The following TANC2 variants were observed in gnomAD, a reference collection of about 807,000 sequenced individuals.
TANC2 encodes protein TANC2.
Under a neutral mutation model 210.5 loss-of-function variants are expected in TANC2, and 26 were observed. That is an observed-to-expected ratio of 0.12 (90% CI 0.09 to 0.17). The LOEUF is 0.17. Ranked by LOEUF, TANC2 falls within the 10% of genes least tolerant of loss-of-function variation. The pLI is 1.00. For missense variants in TANC2, 2,129 were observed against 2,608.9 expected (o/e 0.82, Z 4.01); for synonymous variants, 931 against 967.1 (o/e 0.96, Z 0.69).
At chr17:63,358,401 GTGTGTGTGTGTA>G (rs2046851452) in intron 14 of TANC2, among the ~76,000 whole-genome samples, 1 of 151,762 alleles carries the variant, frequency 6.6e-6, no homozygotes, top group Non-Finnish European at 1.5e-5. Context: ...GTGTGTGTGT[GTGTGTGTGTGTA>G]TGTGTGTGTG....
chr17:63,332,020 C>T, intron 11 of TANC2: 1 of 282,268 alleles, frequency 3.5e-6, no homozygotes, highest in Non-Finnish European at 7.0e-6. Context: ...TCATCATCCA[C>T]CTCTGGCTGT....
chr17:63,128,581 A>G (rs1205300644), intron 4 of TANC2, among the ~76,000 whole-genome samples: 1 of 152,238 alleles, frequency 6.6e-6, no homozygotes, highest in Non-Finnish European at 1.5e-5. Context: ...TGTTTAATAA[A>G]TGTACATTTA....
At chr17:63,073,008 C>T (rs1157341093) in intron 2 of TANC2, among the ~76,000 whole-genome samples, 6 of 152,014 alleles carry the variant, frequency 3.9e-5, no homozygotes, top group Non-Finnish European at 8.8e-5. Context: ...ATTAAACCTG[C>T]TTGCAGCTAC....
chr17:63,013,919 T>C (rs541562462), intron 2 of TANC2, among the ~76,000 whole-genome samples: 75 of 152,266 alleles, frequency 4.9e-4, no homozygotes, highest in African/African-American at 1.7e-3. Flanking sequence ...CATTTTTTTT[T>C]CTGGAACTCC....
chr17:63,139,298 A>T (rs954150025), intron 4 of TANC2, among the ~76,000 whole-genome samples: 1 of 152,156 alleles, frequency 6.6e-6, no homozygotes, highest in Non-Finnish European at 1.5e-5. Flanking sequence ...CACAAACTAG[A>T]CAGAAAATGG....
intron 11 of TANC2, among the ~76,000 whole-genome samples, chr17:63,337,926 G>A (rs751693676): frequency 6.6e-6 from 1 of 152,110 alleles, no homozygotes; most frequent in African/African-American, 2.4e-5. Flanking sequence ...AGTTCCATCC[G>A]TGTTCCTGAG....
chr17:63,281,045 A>C (rs544296216), intron 9 of TANC2, among the ~76,000 whole-genome samples: 11 of 152,280 alleles, frequency 7.2e-5, no homozygotes, highest in African/African-American at 2.6e-4. Context: ...TAAGCCTTCC[A>C]TGGATAACAA....
intron 1 of TANC2, among the ~76,000 whole-genome samples, chr17:62,990,461 T>A (rs2032802147): frequency 6.6e-6 from 1 of 151,936 alleles, no homozygotes; most frequent in South Asian, 2.1e-4. Flanking sequence ...TTTTTAAAAT[T>A]TTCTGTAGAG....
rs565250522 is a variant in TANC2, at chr17:63,305,148, C to T, written c.1160-9240C>T. The T allele has an allele frequency of 6.7e-3, 1,016 of 152,450 alleles. 8 individuals carry two copies. The highest frequency in any genetic ancestry group is 0.011 in the Non-Finnish European group (726 of 68,142). The allele number at this position is 152,450 out of a possible 1,614,324, so 9.4% of individuals were successfully genotyped here. On this transcript the variant is annotated intron_variant, in intron 9 of 27. Transcript: ENST00000689528. ...TTGGTAGGCTTAAGCACATTCTAGC[C>T]GAGTGGCTATTGAGAATCTGTGCGG...
At chr17:63,148,745 TACTC>T (rs1338365683) in intron 4 of TANC2, 1 of 152,174 alleles carries the variant, frequency 6.6e-6, no homozygotes, top group African/African-American at 2.4e-5. Context: ...GGAATTCTCT[TACTC>T]ACATGAATCA....
chr17:63,018,557 G>GT (rs2034214131), intron 2 of TANC2, among the ~76,000 whole-genome samples: 2 of 152,084 alleles, frequency 1.3e-5, no homozygotes, highest in Non-Finnish European at 2.9e-5. Context: ...GAGATCTTGT[G>GT]TATATTTGGG....
chr17:63,280,950 C>T (rs139323491), intron 9 of TANC2, among the ~76,000 whole-genome samples: 17 of 152,224 alleles, frequency 1.1e-4, no homozygotes, highest in Admixed American at 2.0e-4. Context: ...CAAATGAATG[C>T]GCACTTTGCT....
At chr17:63,237,024 G>C (rs763477256) in intron 7 of TANC2, among the ~76,000 whole-genome samples, 2 of 152,132 alleles carry the variant, frequency 1.3e-5, no homozygotes, top group Non-Finnish European at 2.9e-5. Context: ...TGGAATTGCT[G>C]GATTGAATGG....
chr17:63,409,150 A>G (rs1480396333), intron 21 of TANC2, among the ~76,000 whole-genome samples: 1 of 151,912 alleles, frequency 6.6e-6, no homozygotes, highest in Non-Finnish European at 1.5e-5. Context: ...TTTTTTGTTT[A>G]TTTGTATTTG....
At chr17:63,167,122 A>G (rs1439402903) in intron 5 of TANC2, among the ~76,000 whole-genome samples, 2 of 152,150 alleles carry the variant, frequency 1.3e-5, no homozygotes, top group East Asian at 3.8e-4. Flanking sequence ...TTCAAGAACC[A>G]TTGGTTAATG....
chr17:63,162,455 T>C (rs1302138859), intron 5 of TANC2, among the ~76,000 whole-genome samples: 1 of 152,156 alleles, frequency 6.6e-6, no homozygotes, highest in East Asian at 1.9e-4. Flanking sequence ...AAGCAAGGAT[T>C]TTCTAAACTA....
Position 63,220,703 on chromosome 17 carries a change from CAAAAAA to C in TANC2, c.770-17099_770-17094del, listed in dbSNP as rs373846699. On this transcript the variant is annotated intron_variant, in intron 7 of 27. Transcript: ENST00000689528. The stretch of plus-strand genomic sequence containing the variant: ...TGGGCAACAGAGCAAGAATCAGTCT[CAAAAAA>C]AAAAAAAAAAATATATATATATATA... Among the ~76,000 whole-genome samples, 96 of 91,964 alleles carry C rather than the reference CAAAAAA, an allele frequency of 1.0e-3. 1 individual carries two copies. Among genetic ancestry groups the C allele is most frequent in the African/African-American group, 4.0e-3 (90 of 22,234 alleles). The allele number at this position is 91,964 out of a possible 152,430, so 60.3% of individuals were successfully genotyped here. A position where few individuals can be genotyped will look rare whatever the true frequency, so the allele number is the denominator to read the frequency against.
At position 63,172,193 on chromosome 17, in the gene TANC2, C is replaced by CT. The variant is rs549414417; in HGVS notation, c.433+20829dup. ...TTTTTCTTTTTCTTTCTTTTCTTTT[C>CT]TTTTTTTTTTTTTTTTAGATGGAGT... is the stretch of plus-strand genomic sequence containing the variant. On this transcript the variant is annotated intron_variant, in intron 5 of 27. Transcript: ENST00000689528. Among the ~76,000 whole-genome samples, 1,241 of 131,006 alleles carry CT rather than the reference C, an allele frequency of 9.5e-3. 12 individuals are homozygous for CT. The highest frequency in any genetic ancestry group is 0.019 in the African/African-American group (667 of 35,918). 85.9% of individuals were successfully genotyped at this position (131,006 alleles called of 152,430 possible).
intron 12 of TANC2, among the ~76,000 whole-genome samples, chr17:63,344,525 G>T (rs1455651960): frequency 6.6e-6 from 1 of 152,102 alleles, no homozygotes; most frequent in African/African-American, 2.4e-5. Flanking sequence ...CATGCAAATA[G>T]TATAAATATT....
Sources: gnomAD v4.1 joint callset for allele counts (sites outside exome capture counted in the v4.1 genomes callset) on GRCh38, gnomAD v4.1.1 for gene constraint, MANE v1.5 for transcripts, NCBI Gene and HGNC (gene_info 2026-07-23, HGNC 2026-07-21) for gene names.